IMPA2: variants seen among roughly 807,000 people sequenced by gnomAD.
IMPA2 encodes IMP 2.
IMPA2 carries 32 observed loss-of-function variants against 35.1 expected under a neutral mutation model. The ratio of observed to expected loss-of-function variants is 0.91; its 90% CI spans 0.69 to 1.23. IMPA2 has a LOEUF of 1.23. IMPA2 is among the 50% of genes most tolerant of loss of function. IMPA2 has a pLI of 0.00. For missense variants in IMPA2, 334 were observed against 387.6 expected, an observed-to-expected ratio of 0.86 and a Z score of 1.16; for synonymous variants, 135 against 160.6, an observed-to-expected ratio of 0.84 and a Z score of 1.20.
At chr18:11,997,914 T>C (rs1246586141) in intron 1 of IMPA2, among the ~76,000 whole-genome samples, 2 of 152,230 alleles carry the variant, frequency 1.3e-5, no homozygotes, top group Non-Finnish European at 2.9e-5. Context: ...ACGCCTGTTA[T>C]CCCAGCACTT....
At chr18:11,986,639 C>T (rs1307718763) in intron 1 of IMPA2, among the ~76,000 whole-genome samples, 34 of 152,140 alleles carry the variant, frequency 2.2e-4, no homozygotes, top group East Asian at 1.9e-4. Context: ...TTATTCACAC[C>T]GGGAATTTAA....
chr18:12,028,881 C>G lies in IMPA2; in HGVS notation c.639C>G (p.His213Gln). 1 of 1,614,228 alleles carries G rather than the reference C, an allele frequency of 6.2e-7. No homozygotes were observed. The highest frequency in any genetic ancestry group is 8.5e-7 in the Non-Finnish European group (1 of 1,180,042). The change falls in exon 7 of 8, where the codon CAC (histidine) becomes CAG (glutamine). Residue 213 changes from histidine to glutamine, a missense_variant. Transcript: ENST00000269159. The part of the protein sequence containing the change: ...VIGSSTLALC[H>Q]LASGAADAYY... ...GAAGCTCCACATTGGCACTCTGCCA[C>G]CTGGCCTCAGGGGCCGCGGATGCCT...
intron 5 of IMPA2, chr18:12,017,847 C>T (rs779380111): frequency 3.9e-5 from 13 of 336,636 alleles, no homozygotes; most frequent in South Asian, 2.7e-4. Context: ...TTGCCTCGGC[C>T]TCCGAAAGTG....
intron 5 of IMPA2, among the ~76,000 whole-genome samples, chr18:12,018,548 A>G (rs1199946166): frequency 6.6e-6 from 1 of 152,244 alleles, no homozygotes; most frequent in African/African-American, 2.4e-5. Flanking sequence ...TTTTGATCTT[A>G]GGACAAACCC....
chr18:12,023,288 T>C (rs930332512), intron 5 of IMPA2, among the ~76,000 whole-genome samples: 1 of 152,168 alleles, frequency 6.6e-6, no homozygotes, highest in South Asian at 2.1e-4. Context: ...CACCATGTAA[T>C]GGCTCCATGG....
chr18:11,983,691 G>A (rs988829412), intron 1 of IMPA2, among the ~76,000 whole-genome samples: 1 of 152,038 alleles, frequency 6.6e-6, no homozygotes, highest in African/African-American at 2.4e-5. Flanking sequence ...CGGTCAGGAA[G>A]CCCGGGCCGC....
At chr18:12,021,404 A>T (rs1303116973) in intron 5 of IMPA2, among the ~76,000 whole-genome samples, 2 of 152,172 alleles carry the variant, frequency 1.3e-5, no homozygotes, top group Non-Finnish European at 2.9e-5. Context: ...AAACCTCCAA[A>T]ACAACACACT....
intron 1 of IMPA2, among the ~76,000 whole-genome samples, chr18:11,996,879 C>T (rs1181355613): frequency 6.6e-6 from 1 of 151,862 alleles, no homozygotes; most frequent in Admixed American, 6.6e-5. Context: ...CCCAGAAATC[C>T]ATACACACCC....
At position 11,981,633 on chromosome 18, in the gene IMPA2, A is replaced by AG. The variant is rs1400486465; in HGVS notation, c.-31dup. The AG allele has an allele frequency of 6.6e-6, 8 of 1,210,760 alleles. No individual in the cohort carries two copies. The highest frequency in any genetic ancestry group is 4.1e-5 in the South Asian group (1 of 24,218). 75.0% of individuals were successfully genotyped at this position (1,210,760 alleles called of 1,614,324 possible). On this transcript the variant is annotated 5_prime_UTR_variant, in exon 1 of 8. Coordinates refer to ENST00000269159, the MANE Select transcript of IMPA2 (RefSeq NM_014214.3). ...TCCGGTGGGAGCCGGAGTCCCGCCGAGGGGGGCTGGAGGTGGAGGGGCCCG... is the reference window on the plus strand; with the variant it reads ...TCCGGTGGGAGCCGGAGTCCCGCCGAGGGGGGGCTGGAGGTGGAGGGGCCCG...
At chr18:11,993,313 A>G (rs1353609729) in intron 1 of IMPA2, among the ~76,000 whole-genome samples, 1 of 152,202 alleles carries the variant, frequency 6.6e-6, no homozygotes, top group African/African-American at 2.4e-5. Context: ...CAAGAATTAC[A>G]TCCTGGAAGG....
intron 3 of IMPA2, 43 bp from the exon 4 acceptor site, chr18:12,012,127 C>T (rs1263251279): frequency 1.9e-5 from 30 of 1,593,162 alleles, no homozygotes; most frequent in Non-Finnish European, 2.6e-5. Context: ...CGAGAGCTGC[C>T]GCTCTTGTTC....
At chr18:12,009,200 C>G (rs961155834) in intron 2 of IMPA2, among the ~76,000 whole-genome samples, 1 of 152,140 alleles carries the variant, frequency 6.6e-6, no homozygotes, top group African/African-American at 2.4e-5. Context: ...TTGCTTGGAT[C>G]CAGGAGTTTG....
At chr18:12,011,929 C>T (rs1229608704) in intron 3 of IMPA2, among the ~76,000 whole-genome samples, 1 of 152,270 alleles carries the variant, frequency 6.6e-6, no homozygotes, top group East Asian at 1.9e-4. Flanking sequence ...TGAGTTACAT[C>T]AGTCTTATGT....
At chr18:11,992,819 T>G (rs550078956) in intron 1 of IMPA2, among the ~76,000 whole-genome samples, 1 of 152,310 alleles carries the variant, frequency 6.6e-6, no homozygotes, top group South Asian at 2.1e-4. Flanking sequence ...CCCCATGTGC[T>G]CCCTCGCCCT....
chr18:11,999,668 C>T (rs1489374626), intron 2 of IMPA2, among the ~76,000 whole-genome samples: 4 of 152,280 alleles, frequency 2.6e-5, no homozygotes, highest in Non-Finnish European at 5.9e-5. Context: ...TAGTGATGCA[C>T]GCCCCCTCGC....
intron 3 of IMPA2, among the ~76,000 whole-genome samples, chr18:12,011,581 G>T (rs148900324): frequency 1.2e-4 from 18 of 152,368 alleles, no homozygotes; most frequent in Non-Finnish European, 2.5e-4. Context: ...AAGCTCCAGT[G>T]ATCTCCCTAT....
At chr18:11,993,779 A>G (rs1050533874) in intron 1 of IMPA2, among the ~76,000 whole-genome samples, 2 of 152,202 alleles carry the variant, frequency 1.3e-5, no homozygotes, top group Non-Finnish European at 2.9e-5. Flanking sequence ...TGCAGGCACA[A>G]GGGATCGTGT....
chr18:12,010,012 A>G lies in IMPA2; in HGVS notation c.335+25A>G. 1 of 1,540,212 alleles carries G rather than the reference A, an allele frequency of 6.5e-7. No individual in the cohort carries two copies. The highest frequency in any genetic ancestry group is 9.0e-7 in the Non-Finnish European group (1 of 1,114,130). On this transcript the variant is annotated intron_variant, in intron 3 of 7. Transcript: ENST00000269159. This position sits in a 1 kb window ranked among gnomAD's most constrained non-coding sequence, Gnocchi z 4.8. The stretch of plus-strand genomic sequence containing the variant: ...GGTGAGCTGAGCAGGGATCGCCTCC[A>G]TTGCAGGGCTTAACATGTCCTCTTC...
chr18:12,015,474 G>A (rs1424913871), intron 5 of IMPA2, among the ~76,000 whole-genome samples: 7 of 152,256 alleles, frequency 4.6e-5, no homozygotes, highest in Non-Finnish European at 8.8e-5. Flanking sequence ...GAGCCCGTGC[G>A]GCCAGGAAAG....
Sources: allele counts gnomAD v4.1 joint callset (sites outside exome capture counted in the v4.1 genomes callset), GRCh38; gene constraint gnomAD v4.1.1; non-coding constraint Gnocchi (gnomAD v3.1); transcripts MANE v1.5; gene names NCBI Gene and HGNC (gene_info 2026-07-23, HGNC 2026-07-21).